ZNF670: variants seen among roughly 807,000 people sequenced by gnomAD.
The protein encoded by ZNF670 is zinc finger protein 670.
In ZNF670, 7 loss-of-function variants were observed where a neutral mutation model predicts 10.9. The observed-to-expected ratio is 0.64, with a 90% CI of 0.36 to 1.20. ZNF670 has a LOEUF of 1.20. Among genes scored for constraint, ZNF670 ranks in the 50% most tolerant of loss-of-function variants. The pLI, the probability that ZNF670 is intolerant of heterozygous loss-of-function variation, is 0.02. For synonymous variants in ZNF670, 136 were observed against 152.7 expected, an observed-to-expected ratio of 0.89 and a Z score of 0.81; for missense variants, 446 against 458.6, an observed-to-expected ratio of 0.97 and a Z score of 0.25.
intron 1 of ZNF670, among the ~76,000 whole-genome samples, chr1:247,059,628 T>C (rs1670812643): frequency 6.6e-6 from 1 of 152,106 alleles, no homozygotes. Flanking sequence ...ATCATATCAA[T>C]AGTTGCTGAA....
rs2103048445 is a variant in ZNF670 at position 247,034,902 on chromosome 1, G to C, written c.*2547C>G. 6.6e-6 allele frequency among the ~76,000 whole-genome samples: 1 copy of C among 152,274 alleles called. No individual in the cohort carries two copies. The highest frequency in any genetic ancestry group is 1.9e-4 in the East Asian group (1 of 5,184). On this transcript the variant is annotated 3_prime_UTR_variant, in exon 4 of 4. Coordinates refer to ENST00000366503, the MANE Select transcript of ZNF670 (RefSeq NM_033213.5). ...GGTGCTGGGTCACTGCCTCAATGTG[G>C]GGTACCTTGGAAACTGCCTGCCAAA...
At chr1:247,043,764 T>C in intron 1 of ZNF670, 1 of 379,224 alleles carries the variant, frequency 2.6e-6, no homozygotes, top group Non-Finnish European at 5.1e-6. Context: ...GTCGCATTTC[T>C]GTGCCTACTG....
chr1:247,037,505 TACC>T lies in ZNF670; in HGVS notation c.1111_1113del (p.Gly371del), dbSNP rs771586236. On this transcript the variant is annotated inframe_deletion, in exon 4 of 4. Transcript: ENST00000366503. ...AGGGAACTGGAACAACTGAAGGCTT[TACC>T]ACATTTCTTACATTCATAGGGTTTT... The T allele has an allele frequency of 2.5e-6, 4 of 1,614,104 alleles. No homozygotes were observed. Among genetic ancestry groups the T allele is most frequent in the Non-Finnish European group, 3.4e-6 (4 of 1,179,972 alleles).
chr1:247,066,372 G>T (rs1290886818), intron 1 of ZNF670, among the ~76,000 whole-genome samples: 2 of 152,116 alleles, frequency 1.3e-5, no homozygotes, highest in Non-Finnish European at 2.9e-5. Context: ...CCTAGCTGCG[G>T]GAGATCCTAC....
chr1:247,066,582 A>C (rs1267265506), intron 1 of ZNF670, among the ~76,000 whole-genome samples: 2 of 152,146 alleles, frequency 1.3e-5, no homozygotes, highest in African/African-American at 4.8e-5. Context: ...ATAACATTCT[A>C]AGGCCCCTCA....
Position 247,038,356 on chromosome 1 carries a change from G to A in ZNF670, c.263C>T (p.Ser88Leu), listed in dbSNP as rs1334504207. 1 of 1,614,072 alleles carries A rather than the reference G, an allele frequency of 6.2e-7. No homozygotes were observed. Among genetic ancestry groups the A allele is most frequent in the Non-Finnish European group, 8.5e-7 (1 of 1,180,014 alleles). Reference sequence around the variant, plus strand: ...AACTTTCTTATTCAGATTCAAATTTGAATCCTGGCTGAAGGTTTCTCCATA... The same window carrying A: ...AACTTTCTTATTCAGATTCAAATTTAAATCCTGGCTGAAGGTTTCTCCATA... ...SQYGETFSQD[S>L]NLNLNKKVST... The change falls in exon 4 of 4, where the codon TCA (serine) becomes TTA (leucine). Residue 88 changes from serine (S) to leucine (L), a missense_variant. Ser to Leu is a moderately radical substitution (Grantham distance 145). Transcript: ENST00000366503.
At position 247,068,319 on chromosome 1, in the gene ZNF670, CAAA is replaced by C. The variant is rs74163724; in HGVS notation, c.3+10272_3+10274del. 6.7e-4 allele frequency among the ~76,000 whole-genome samples: 37 copies of C among 55,282 alleles called. 1 individual carries two copies. The South Asian group carries it at 7.8e-3, about 12-fold the overall frequency. The allele number at this position is 55,282 out of a possible 152,430, so 36.3% of individuals were successfully genotyped here. On this transcript the variant is annotated intron_variant, in intron 1 of 3. Coordinates refer to ENST00000366503, the MANE Select transcript of ZNF670 (RefSeq NM_033213.5). The stretch of plus-strand genomic sequence containing the variant: ...AGGTGACAGAGTAAGATTCTGTCTC[CAAA>C]AAAAAAAAAAAAAAAGATGGGCAAA...
chr1:247,068,954 T>G (rs1338960866), intron 1 of ZNF670, among the ~76,000 whole-genome samples: 1 of 149,654 alleles, frequency 6.7e-6, no homozygotes, highest in Non-Finnish European at 1.5e-5. Context: ...ATGTTCTCAC[T>G]TATCTGTGGG....
At chr1:247,070,168 C>A (rs1671082043) in intron 1 of ZNF670, among the ~76,000 whole-genome samples, 1 of 151,848 alleles carries the variant, frequency 6.6e-6, no homozygotes, top group Non-Finnish European at 1.5e-5. Context: ...AGAAAAAAAA[C>A]ATCGATTAAA....
At position 247,078,723 on chromosome 1, in the gene ZNF670, C is replaced by A. The variant is rs994177192; in HGVS notation, c.-127G>T. 5.7e-6 allele frequency: 6 copies of A among 1,045,594 alleles called. No individual in the cohort carries two copies. The highest frequency in any genetic ancestry group is 8.5e-6 in the Non-Finnish European group (6 of 708,794). The allele number at this position is 1,045,594 out of a possible 1,614,324, so 64.8% of individuals were successfully genotyped here. ...ATAAGGGGAAGGAGCAGCGGAGACG[C>A]ACCGAGCTCGCCACATTCGCGCTGC... On this transcript the variant is annotated 5_prime_UTR_variant, in exon 1 of 4. Coordinates refer to ENST00000366503, the MANE Select transcript of ZNF670 (RefSeq NM_033213.5).
At chr1:247,071,656 A>G (rs1214882730) in intron 1 of ZNF670, among the ~76,000 whole-genome samples, 1 of 152,246 alleles carries the variant, frequency 6.6e-6, no homozygotes, top group Admixed American at 6.5e-5. Flanking sequence ...CTGGTGAATG[A>G]TGAAGGTCTG....
intron 1 of ZNF670, chr1:247,042,970 A>C: frequency 1.4e-6 from 1 of 722,404 alleles, no homozygotes; most frequent in Non-Finnish European, 2.6e-6. Flanking sequence ...CCAATCCTTC[A>C]ACAACCAGAG....
intron 1 of ZNF670, among the ~76,000 whole-genome samples, chr1:247,050,935 T>C (rs1004826686): frequency 6.6e-6 from 1 of 152,058 alleles, no homozygotes; most frequent in Non-Finnish European, 1.5e-5. Context: ...CATTGTGTTA[T>C]TGTTTTATAG....
At chr1:247,044,051 T>C in intron 1 of ZNF670, 1 of 187,938 alleles carries the variant, frequency 5.3e-6, no homozygotes. Context: ...CAAACCAATG[T>C]GGGTATCTTC....
rs148957284 is a variant in ZNF670 at position 247,038,425 on chromosome 1, C to G, written c.194G>C (p.Ser65Thr). 3.0e-4 allele frequency: 476 copies of G among 1,599,688 alleles called. 6 individuals carry two copies. In the South Asian group the frequency reaches 3.7e-3, roughly 12 times the overall value. ...TTCAAACAGTCTCTCTACCACATGACTGCTGTAAAAATGATAAACATCATT... is the reference window on the plus strand; with the variant it reads ...TTCAAACAGTCTCTCTACCACATGAGTGCTGTAAAAATGATAAACATCATT... Reference protein sequence around the residue: ...DFKNPGRNLSSHVVERLFEIK... With the variant: ...DFKNPGRNLSTHVVERLFEIK... The change falls in exon 4 of 4, where the codon AGT becomes ACT. Residue 65 changes from serine (S) to threonine (T), a missense_variant and splice_region_variant. Coordinates refer to ENST00000366503, the MANE Select transcript of ZNF670 (RefSeq NM_033213.5).
At chr1:247,075,211 A>T (rs1405640197) in intron 1 of ZNF670, among the ~76,000 whole-genome samples, 2 of 152,228 alleles carry the variant, frequency 1.3e-5, no homozygotes, top group Non-Finnish European at 2.9e-5. Context: ...CATCTCCAGG[A>T]GTTGCCAAGT....
intron 3 of ZNF670, 77 bp from the exon 4 acceptor site, chr1:247,038,504 G>T (rs1572554151): frequency 1.4e-6 from 2 of 1,397,458 alleles, no homozygotes; most frequent in Admixed American, 4.6e-5. Flanking sequence ...GAAAATGCAA[G>T]TTTCCTGCCA....
intron 1 of ZNF670, among the ~76,000 whole-genome samples, chr1:247,070,847 A>T (rs777349387): frequency 6.6e-6 from 1 of 152,264 alleles, no homozygotes; most frequent in Non-Finnish European, 1.5e-5. Flanking sequence ...CACTTCTCCA[A>T]AGAAGACATA....
intron 3 of ZNF670, 127 bp from the exon 4 acceptor site, chr1:247,038,554 A>C (rs1296521077): frequency 4.2e-6 from 4 of 941,584 alleles, no homozygotes; most frequent in Non-Finnish European, 6.2e-6. Context: ...AATTACTGTA[A>C]GATATGGGTC....
Sources: gnomAD v4.1 joint callset for allele counts (sites outside exome capture counted in the v4.1 genomes callset) on GRCh38, gnomAD v4.1.1 for gene constraint, MANE v1.5 for transcripts, NCBI Gene and HGNC (gene_info 2026-07-23, HGNC 2026-07-21) for gene names.